The following ROBO2 variants were observed in gnomAD, a reference collection of about 807,000 sequenced individuals.
ROBO2 encodes the protein roundabout guidance receptor 2.
ROBO2 carries 53 observed loss-of-function variants against 160.8 expected under a neutral mutation model. The observed-to-expected ratio is 0.33, with a 90% CI of 0.26 to 0.41. ROBO2 has a LOEUF of 0.41. Ranked by LOEUF, ROBO2 falls within the 10% of genes least tolerant of loss-of-function variation. The probability of loss-of-function intolerance (pLI) is 1.00; values close to 1 mark genes in which losing one functional copy is unlikely to be tolerated. For missense variants in ROBO2, 1,577 were observed against 1,722.4 expected (o/e 0.92, Z 1.49); for synonymous variants, 664 against 611.7 (o/e 1.09, Z -1.26).
chr3:76,723,515 C>T (rs1560446503), intron 2 of ROBO2, among the ~76,000 whole-genome samples: 1 of 152,134 alleles, frequency 6.6e-6, no homozygotes, highest in Non-Finnish European at 1.5e-5. Flanking sequence ...ACTGTCTCCC[C>T]ACCGAGGGAT....
chr3:77,381,260 A>G (rs1483579234), intron 2 of ROBO2, among the ~76,000 whole-genome samples: 2 of 152,190 alleles, frequency 1.3e-5, no homozygotes, highest in Non-Finnish European at 2.9e-5. Context: ...GGTTGCAATG[A>G]GCCGAGATCA....
intron 2 of ROBO2, among the ~76,000 whole-genome samples, chr3:76,441,057 T>C (rs1304939431): frequency 6.6e-6 from 1 of 152,162 alleles, no homozygotes; most frequent in Non-Finnish European, 1.5e-5. Context: ...TGATAAATAT[T>C]AGATACTAGA....
At chr3:76,212,904 G>A (rs1253120379) in intron 2 of ROBO2, among the ~76,000 whole-genome samples, 2 of 5,954 alleles carry the variant, frequency 3.4e-4, no homozygotes, top group East Asian at 0.021. Context: ...TTATATCATG[G>A]TGTTCTTAGT....
intron 2 of ROBO2, among the ~76,000 whole-genome samples, chr3:76,169,324 A>G (rs2072950296): frequency 6.6e-6 from 1 of 152,206 alleles, no homozygotes; most frequent in Non-Finnish European, 1.5e-5. Context: ...GAAAATTGGC[A>G]GATGAATTTC....
intron 2 of ROBO2, among the ~76,000 whole-genome samples, chr3:76,946,881 G>T (rs1035896997): frequency 2.0e-5 from 3 of 152,214 alleles, no homozygotes; most frequent in Non-Finnish European, 4.4e-5. Context: ...GTAAGCCGGG[G>T]ACAAAGATAG....
At chr3:76,968,490 TAA>T (rs1194029105) in intron 2 of ROBO2, among the ~76,000 whole-genome samples, 1 of 152,164 alleles carries the variant, frequency 6.6e-6, no homozygotes, top group African/African-American at 2.4e-5. Context: ...AATCAATAGT[TAA>T]GTTATTGTTT....
intron 2 of ROBO2, among the ~76,000 whole-genome samples, chr3:77,341,700 G>C (rs77466032): frequency 0.031 from 4,661 of 152,186 alleles, 246 homozygotes; most frequent in African/African-American, 0.1. Flanking sequence ...TGTTGGAAAA[G>C]TGTAATACTC....
intron 2 of ROBO2, among the ~76,000 whole-genome samples, chr3:76,842,323 A>C (rs2068362681): frequency 6.6e-6 from 1 of 152,164 alleles, no homozygotes; most frequent in South Asian, 2.1e-4. Flanking sequence ...CACTGTGCTG[A>C]CTTTTCAATA....
chr3:77,558,044 T>C, exon 9 of ROBO2: 1 of 1,613,266 alleles, frequency 6.2e-7, no homozygotes, highest in Non-Finnish European at 8.5e-7. Flanking sequence ...CCACTGGTGA[T>C]CCTCTTCCTG....
chr3:77,627,282 C>T (rs1474346312), intron 23 of ROBO2, among the ~76,000 whole-genome samples: 1 of 151,700 alleles, frequency 6.6e-6, no homozygotes, highest in Non-Finnish European at 1.5e-5. Context: ...CCTTTTCTTT[C>T]TTTCTTTTTT....
chr3:76,623,541 G>A (rs7623289), intron 2 of ROBO2, among the ~76,000 whole-genome samples: 1 of 151,852 alleles, frequency 6.6e-6, no homozygotes, highest in Non-Finnish European at 1.5e-5. Context: ...TTAGCCTCAC[G>A]TAATAAGGAT....
chr3:77,495,648 C>A (rs2086687807), intron 5 of ROBO2, among the ~76,000 whole-genome samples: 2 of 152,128 alleles, frequency 1.3e-5, no homozygotes, highest in South Asian at 4.1e-4. Flanking sequence ...GTGCCCCAAA[C>A]TTGGATTAGC....
intron 2 of ROBO2, among the ~76,000 whole-genome samples, chr3:75,942,870 A>G (rs1481459754): frequency 6.6e-6 from 1 of 152,048 alleles, no homozygotes; most frequent in African/African-American, 2.4e-5. Context: ...CATGCATTTC[A>G]GATACTTTCC....
chr3:76,089,150 T>A (rs922080550), intron 2 of ROBO2, among the ~76,000 whole-genome samples: 6 of 151,970 alleles, frequency 3.9e-5, no homozygotes, highest in African/African-American at 1.4e-4. Flanking sequence ...GAAACACAAT[T>A]ATAATAGGCT....
At chr3:77,175,519 C>G (rs1228901893) in intron 2 of ROBO2, among the ~76,000 whole-genome samples, 1 of 151,914 alleles carries the variant, frequency 6.6e-6, no homozygotes, top group African/African-American at 2.4e-5. Flanking sequence ...ATTGTTGGAT[C>G]TACGTGTTAG....
At chr3:76,949,097 T>C (rs1028146074) in intron 2 of ROBO2, among the ~76,000 whole-genome samples, 1 of 151,190 alleles carries the variant, frequency 6.6e-6, no homozygotes, top group Non-Finnish European at 1.5e-5. Flanking sequence ...TTGAGAGCCA[T>C]GTTTCCCTAC....
At chr3:76,482,912 T>G (rs1435210866) in intron 2 of ROBO2, among the ~76,000 whole-genome samples, 3 of 152,178 alleles carry the variant, frequency 2.0e-5, no homozygotes, top group Non-Finnish European at 4.4e-5. Context: ...TGGGACTTAT[T>G]ACAAACTCAG....
intron 2 of ROBO2, among the ~76,000 whole-genome samples, chr3:75,961,204 G>A: frequency 6.6e-6 from 1 of 151,168 alleles, no homozygotes; most frequent in Non-Finnish European, 1.5e-5. Flanking sequence ...TTTTTTTATT[G>A]ATCTCAGCTT....
chr3:76,371,897 A>G (rs2076121739), intron 2 of ROBO2, among the ~76,000 whole-genome samples: 1 of 151,930 alleles, frequency 6.6e-6, no homozygotes, highest in Admixed American at 6.6e-5. Context: ...AGAATAAAGC[A>G]ATAAAAATAT....
Sources: gnomAD v4.1 joint callset for allele counts (sites outside exome capture counted in the v4.1 genomes callset) on GRCh38, gnomAD v4.1.1 for gene constraint, MANE v1.5 for transcripts, NCBI Gene and HGNC (gene_info 2026-07-23, HGNC 2026-07-21) for gene names.